The following AFAP1L1 variants were observed in gnomAD, a reference collection of about 807,000 sequenced individuals.
AFAP1L1 encodes the protein actin filament-associated protein 1-like 1.
Under a neutral mutation model 99.8 loss-of-function variants are expected in AFAP1L1, and 77 were observed. That is an observed-to-expected ratio of 0.77 (90% confidence interval 0.64 to 0.93). AFAP1L1 has a LOEUF of 0.93. AFAP1L1 is among the 40% of genes least tolerant of loss of function. The pLI is 0.00. For synonymous variants in AFAP1L1, 373 were observed against 395.3 expected, an observed-to-expected ratio of 0.94 and a Z score of 0.67; for missense variants, 893 against 996.8, an observed-to-expected ratio of 0.90 and a Z score of 1.40.
Position 149,315,924 on chromosome 5 carries a change from TCTGGGGGCTCAGG to T in AFAP1L1, c.1114+17_1114+29del, listed in dbSNP as rs1190983716. ...GAGACCTGTGATCACGGTAGGAGCC[TCTGGGGGCTCAGG>T]CTGGGGAATGCTGGAACTGGGCCGG... On this transcript the variant is annotated intron_variant, in intron 10 of 18. Coordinates refer to ENST00000296721, the MANE Select transcript of AFAP1L1 (RefSeq NM_152406.4). The T allele has an allele frequency of 6.2e-7, 1 of 1,613,634 alleles. No individual in the cohort carries two copies. Among genetic ancestry groups the T allele is most frequent in the Non-Finnish European group, 8.5e-7 (1 of 1,179,726 alleles).
At chr5:149,307,669 GTGTCTCTACATACATGTGGATA>G in intron 7 of AFAP1L1, 56 bp downstream of exon 7, 1 of 1,545,358 alleles carries the variant, frequency 6.5e-7, no homozygotes, top group Non-Finnish European at 8.9e-7. Context: ...GCATGTGGGT[GTGTCTCTACATACATGTGGATA>G]TGTCTGCCTT....
rs764639122 is a variant in AFAP1L1 at position 149,300,338 on chromosome 5, C to A, written c.213C>A (p.Ser71=). The A allele has an allele frequency of 4.3e-6, 7 of 1,613,000 alleles. No homozygotes were observed. The African/African-American group carries it at 6.7e-5, about 15-fold the overall frequency. The change falls in exon 3 of 19, where the codon TCC becomes TCA. Residue 71 remains serine (S), a synonymous_variant. Transcript: ENST00000296721. Reference sequence around the variant, plus strand: ...ACTCGGGGCCCAGCTTCGTGGAATCCCTCTTTGAAGAATTTGGTAAGTGAC... The same window carrying A: ...ACTCGGGGCCCAGCTTCGTGGAATCACTCTTTGAAGAATTTGGTAAGTGAC... ...DLHSGPSFVE[S]LFEEFDCDLS...
intron 7 of AFAP1L1, among the ~76,000 whole-genome samples, chr5:149,307,818 T>TCTC (rs1756473058): frequency 2.0e-5 from 2 of 100,504 alleles, no homozygotes; most frequent in African/African-American, 4.0e-5. Flanking sequence ...GTGCCTCTCT[T>TCTC]TCTCTCTCTC....
chr5:149,332,727 G>T lies in AFAP1L1; in HGVS notation c.2008G>T (p.Ala670Ser), dbSNP rs61744033. ...AKLKALEEAV[A>S]TLEAQCRAKE... ...ATTAAAGGCTCTGGAAGAAGCCGTG[G>T]CCACCCTGGAAGCTCAGTGTCGGGC... is the stretch of plus-strand genomic sequence containing the variant. Residue 670 changes from alanine (A) to serine (S), a missense_variant, in exon 17 of 19, where the codon GCC becomes TCC. Ala to Ser is a moderately conservative substitution (Grantham distance 99). Coordinates refer to ENST00000296721, the MANE Select transcript of AFAP1L1 (RefSeq NM_152406.4). 14 of 1,613,694 alleles carry T rather than the reference G, an allele frequency of 8.7e-6. No homozygotes were observed. In the African/African-American group the frequency reaches 1.3e-4, roughly 15 times the overall value.
intron 1 of AFAP1L1, among the ~76,000 whole-genome samples, chr5:149,275,534 C>G (rs1346218827): frequency 6.6e-6 from 1 of 151,876 alleles, no homozygotes; most frequent in Non-Finnish European, 1.5e-5. Flanking sequence ...GAGACAGAGT[C>G]TCACTCTGTC....
intron 5 of AFAP1L1, chr5:149,304,264 T>G (rs1561670623): frequency 1.3e-5 from 2 of 152,264 alleles, no homozygotes; most frequent in Non-Finnish European, 2.9e-5. Flanking sequence ...GCTTATCCAT[T>G]CCTCAGCTGA....
At chr5:149,306,108 G>A (rs1284694579) in intron 5 of AFAP1L1, among the ~76,000 whole-genome samples, 198 bp from the exon 6 acceptor site, 1 of 152,194 alleles carries the variant, frequency 6.6e-6, no homozygotes, top group Non-Finnish European at 1.5e-5. Flanking sequence ...GCAGTTTCTG[G>A]TGACAGGAGC....
At chr5:149,292,020 G>C (rs1472659752) in intron 1 of AFAP1L1, among the ~76,000 whole-genome samples, 1 of 152,148 alleles carries the variant, frequency 6.6e-6, no homozygotes, top group Non-Finnish European at 1.5e-5. Context: ...ATAGTGAGGT[G>C]GGGAAAAGAG....
At position 149,343,265 on chromosome 5, in the gene AFAP1L1, A is replaced by G. The variant is rs942501757; in HGVS notation, c.*3235A>G. Among the ~76,000 whole-genome samples the G allele has an allele frequency of 6.6e-6, 1 of 152,180 alleles. No homozygotes were observed. The highest frequency in any genetic ancestry group is 2.4e-5 in the African/African-American group (1 of 41,448). ...GAAAGAAAATGTGACCCAAATAACT[A>G]CAGTACAAATAACCCATGTTATGAC... On this transcript the variant is annotated 3_prime_UTR_variant, in exon 19 of 19. Coordinates refer to ENST00000296721, the MANE Select transcript of AFAP1L1 (RefSeq NM_152406.4).
intron 1 of AFAP1L1, among the ~76,000 whole-genome samples, chr5:149,276,290 T>C (rs1210936165): frequency 1.3e-5 from 2 of 152,206 alleles, no homozygotes; most frequent in Non-Finnish European, 2.9e-5. Flanking sequence ...ACGCCGAAAG[T>C]AGAATTTCTC....
At chr5:149,278,317 A>G (rs1028041997) in intron 1 of AFAP1L1, among the ~76,000 whole-genome samples, 1 of 151,946 alleles carries the variant, frequency 6.6e-6, no homozygotes, top group Admixed American at 6.6e-5. Context: ...CTTGCTTCCA[A>G]TCACACCCTC....
At chr5:149,302,773 T>C in intron 5 of AFAP1L1, 1 of 385,278 alleles carries the variant, frequency 2.6e-6, no homozygotes, top group Admixed American at 4.0e-5. Flanking sequence ...CCTTGGAAAA[T>C]CCCCTTGCCC....
chr5:149,312,345 G>T (rs1440788214), intron 9 of AFAP1L1, 141 bp downstream of exon 9: 1 of 783,590 alleles, frequency 1.3e-6, no homozygotes, highest in Non-Finnish European at 2.2e-6. Flanking sequence ...TGGCACAACA[G>T]TAGGTGCTTA....
At chr5:149,294,511 T>C (rs1755960107) in intron 1 of AFAP1L1, among the ~76,000 whole-genome samples, 1 of 152,218 alleles carries the variant, frequency 6.6e-6, no homozygotes, top group Admixed American at 6.5e-5. Context: ...AGCCCAGCAC[T>C]GGCTGAAAGG....
intron 1 of AFAP1L1, among the ~76,000 whole-genome samples, chr5:149,273,992 A>G (rs1755226384): frequency 6.6e-6 from 1 of 152,206 alleles, no homozygotes; most frequent in South Asian, 2.1e-4. Context: ...GGCTGCCTCC[A>G]GAGCACTCTT....
chr5:149,327,318 A>T (rs1241208030), intron 15 of AFAP1L1, among the ~76,000 whole-genome samples: 2 of 152,186 alleles, frequency 1.3e-5, no homozygotes, highest in Non-Finnish European at 2.9e-5. Flanking sequence ...TCCTCCTGCT[A>T]TAACAAACTT....
chr5:149,294,754 T>C (rs1755966144), intron 1 of AFAP1L1, among the ~76,000 whole-genome samples: 1 of 152,150 alleles, frequency 6.6e-6, no homozygotes, highest in South Asian at 2.1e-4. Flanking sequence ...CATGAAGTCA[T>C]GGCCCAGAGC....
chr5:149,337,168 T>C (rs914136624), intron 18 of AFAP1L1, among the ~76,000 whole-genome samples: 1 of 152,022 alleles, frequency 6.6e-6, no homozygotes, highest in Admixed American at 6.6e-5. Flanking sequence ...ACTGGGGAGA[T>C]GTTGGTCAAA....
At chr5:149,303,846 G>C (rs546541007) in intron 5 of AFAP1L1, among the ~76,000 whole-genome samples, 37 of 152,272 alleles carry the variant, frequency 2.4e-4, no homozygotes, top group African/African-American at 8.9e-4. Context: ...TTTACCATGG[G>C]TGAATTTTTT....
Sources: allele counts gnomAD v4.1 joint callset (sites outside exome capture counted in the v4.1 genomes callset), GRCh38; gene constraint gnomAD v4.1.1; transcripts MANE v1.5; gene names NCBI Gene and HGNC (gene_info 2026-07-23, HGNC 2026-07-21).